The following GABRA5 variants were observed in gnomAD, a reference collection of about 807,000 sequenced individuals.
GABRA5 encodes the protein gamma-aminobutyric acid type A receptor subunit alpha5.
In GABRA5, 18 loss-of-function variants were observed where a neutral mutation model predicts 47.3. The ratio of observed to expected loss-of-function variants is 0.38; its 90% CI spans 0.26 to 0.56. The LOEUF is 0.56. Ranked by LOEUF, GABRA5 falls within the 20% of genes least tolerant of loss-of-function variation. The pLI is 0.71. For missense variants in GABRA5, 365 were observed against 599.3 expected, an observed-to-expected ratio of 0.61 and a Z score of 4.08; for synonymous variants, 237 against 229.3, an observed-to-expected ratio of 1.03 and a Z score of -0.30.
chr15:26,946,677 G>A (rs1440522281), intron 10 of GABRA5, among the ~76,000 whole-genome samples: 1 of 151,894 alleles, frequency 6.6e-6, no homozygotes, highest in African/African-American at 2.4e-5. Context: ...CCAGCCTCCA[G>A]AAAGCTCACC....
At chr15:26,876,945 T>C (rs1892611592) in intron 3 of GABRA5, among the ~76,000 whole-genome samples, 1 of 151,802 alleles carries the variant, frequency 6.6e-6, no homozygotes, top group Admixed American at 6.6e-5. Flanking sequence ...GTGGGAGAGG[T>C]GGCTCTGGCC....
At chr15:26,888,765 A>T (rs1192192574) in intron 6 of GABRA5, among the ~76,000 whole-genome samples, 1 of 152,212 alleles carries the variant, frequency 6.6e-6, no homozygotes, top group Non-Finnish European at 1.5e-5. Flanking sequence ...CCATCTTCCC[A>T]CACCTTCTAA....
chr15:26,905,357 C>T lies in GABRA5; in HGVS notation c.498-9446C>T, dbSNP rs1366261362. Among the ~76,000 whole-genome samples, 4 of 151,880 alleles carry T rather than the reference C, an allele frequency of 2.6e-5. No individual in the cohort carries two copies. The East Asian group carries it at 7.8e-4, about 29-fold the overall frequency. ...TTCCATGGTTTCTGATAGAAATCAC[C>T]TGTTTATGTTACTTAGGATCCCTTG... On this transcript the variant is annotated intron_variant, in intron 6 of 10. Coordinates refer to ENST00000335625, the MANE Select transcript of GABRA5 (RefSeq NM_000810.4).
chr15:26,920,634 G>A (rs998796819), intron 7 of GABRA5, among the ~76,000 whole-genome samples: 10 of 151,972 alleles, frequency 6.6e-5, no homozygotes. Context: ...ATATATCCCT[G>A]TTCCTCATTT....
chr15:26,907,991 A>G (rs1012577199), intron 6 of GABRA5, among the ~76,000 whole-genome samples: 45 of 152,254 alleles, frequency 3.0e-4, no homozygotes, highest in African/African-American at 8.9e-4. Flanking sequence ...ACAGGGGAGA[A>G]AAGTCTAGCC....
intron 7 of GABRA5, among the ~76,000 whole-genome samples, chr15:26,933,929 G>T (rs1180096157): frequency 6.6e-6 from 1 of 152,160 alleles, no homozygotes; most frequent in Non-Finnish European, 1.5e-5. Context: ...TCAGGAGACT[G>T]CAGATGGTGT....
chr15:26,931,759 G>T (rs138344705), intron 7 of GABRA5, among the ~76,000 whole-genome samples: 1 of 152,266 alleles, frequency 6.6e-6, no homozygotes, highest in African/African-American at 2.4e-5. Flanking sequence ...AATGGAAAGA[G>T]GTATAACGGA....
chr15:26,911,696 C>T (rs1425034111), intron 6 of GABRA5, among the ~76,000 whole-genome samples: 2 of 152,104 alleles, frequency 1.3e-5, no homozygotes, highest in African/African-American at 2.4e-5. Flanking sequence ...GCAACAGAAA[C>T]GTCACGTCTG....
At chr15:26,885,469 G>T (rs561309768) in intron 6 of GABRA5, among the ~76,000 whole-genome samples, 1 of 152,120 alleles carries the variant, frequency 6.6e-6, no homozygotes, top group Non-Finnish European at 1.5e-5. Flanking sequence ...TTGTTACCTT[G>T]TCTCACAGTT....
chr15:26,892,488 G>GGGAA (rs1893033060), intron 6 of GABRA5, among the ~76,000 whole-genome samples: 1 of 152,132 alleles, frequency 6.6e-6, no homozygotes, highest in Non-Finnish European at 1.5e-5. Context: ...CGCGGACACA[G>GGGAA]GGAAGCTTTA....
chr15:26,936,034 C>G (rs1288785107), intron 7 of GABRA5, among the ~76,000 whole-genome samples: 2 of 152,100 alleles, frequency 1.3e-5, no homozygotes, highest in Non-Finnish European at 2.9e-5. Flanking sequence ...GGGCAATTCC[C>G]CCATGCTGTT....
At chr15:26,888,402 G>A (rs1458978521) in intron 6 of GABRA5, among the ~76,000 whole-genome samples, 8 of 152,308 alleles carry the variant, frequency 5.3e-5, no homozygotes, top group Middle Eastern at 6.8e-3. Flanking sequence ...CACTAGGCAG[G>A]GCAGTCAGGT....
chr15:26,883,486 C>T lies in GABRA5; in HGVS notation c.426C>T (p.Ile142=), dbSNP rs200583728. ...DTFFHNGKKS[I]AHNMTTPNKL... is the part of the protein sequence containing the mutation. Reference sequence around the variant, plus strand: ...TCTTCCACAACGGGAAGAAGTCCATCGCTCACAACATGACCACGCCCAACA... The same window carrying T: ...TCTTCCACAACGGGAAGAAGTCCATTGCTCACAACATGACCACGCCCAACA... The change falls in exon 6 of 11, where the codon ATC becomes ATT. Residue 142 remains isoleucine, a synonymous_variant. Coordinates refer to ENST00000335625, the MANE Select transcript of GABRA5 (RefSeq NM_000810.4). The surrounding 1 kb of genome is among the most constrained non-coding windows in gnomAD (Gnocchi z 4.8). 3 of 1,614,026 alleles carry T rather than the reference C, an allele frequency of 1.9e-6. No individual in the cohort carries two copies. Among genetic ancestry groups the T allele is most frequent in the East Asian group, 2.2e-5 (1 of 44,880 alleles).
intron 6 of GABRA5, among the ~76,000 whole-genome samples, chr15:26,910,446 A>G (rs1893552466): frequency 1.3e-5 from 2 of 152,072 alleles, no homozygotes; most frequent in African/African-American, 4.8e-5. Context: ...CTAAAAATAC[A>G]AAAATTAGGT....
chr15:26,946,000 G>C (rs1894500582), intron 10 of GABRA5, among the ~76,000 whole-genome samples: 1 of 152,144 alleles, frequency 6.6e-6, no homozygotes, highest in African/African-American at 2.4e-5. Flanking sequence ...GGTGGGGAAG[G>C]CGGGGACGGC....
At chr15:26,896,454 A>G (rs1351130786) in intron 6 of GABRA5, among the ~76,000 whole-genome samples, 1 of 152,218 alleles carries the variant, frequency 6.6e-6, no homozygotes, top group Non-Finnish European at 1.5e-5. Flanking sequence ...TTAATTGGAT[A>G]TTACTATGGG....
chr15:26,880,654 A>T lies in GABRA5; in HGVS notation c.87-192A>T, dbSNP rs182766456. 3.0e-3 allele frequency: 1,476 copies of T among 494,946 alleles called. 23 individuals are homozygous for T. The highest frequency in any genetic ancestry group is 0.027 in the African/African-American group (1,363 of 51,152). The allele number at this position is 494,946 out of a possible 1,614,324, so 30.7% of individuals were successfully genotyped here. Reference sequence around the variant, plus strand: ...GGTGGTTGGATAACTAGCCCCAAGCAGAGTATCCTTGGATGTTGGAGAACT... The same window carrying T: ...GGTGGTTGGATAACTAGCCCCAAGCTGAGTATCCTTGGATGTTGGAGAACT... On this transcript the variant is annotated intron_variant, in intron 3 of 10. Coordinates refer to ENST00000335625, the MANE Select transcript of GABRA5 (RefSeq NM_000810.4).
At chr15:26,921,286 A>G (rs1595424000) in intron 7 of GABRA5, among the ~76,000 whole-genome samples, 3 of 152,058 alleles carry the variant, frequency 2.0e-5, no homozygotes, top group Admixed American at 6.6e-5. Flanking sequence ...TATGATTTAA[A>G]TTTTCTTAGT....
intron 6 of GABRA5, among the ~76,000 whole-genome samples, chr15:26,897,607 G>A (rs1322538072): frequency 3.3e-5 from 5 of 152,166 alleles, no homozygotes; most frequent in Non-Finnish European, 7.3e-5. Context: ...TCACACTCAA[G>A]GTGTCAATCC....
Sources: gnomAD v4.1 joint callset for allele counts (sites outside exome capture counted in the v4.1 genomes callset) on GRCh38, gnomAD v4.1.1 for gene constraint, Gnocchi (gnomAD v3.1) non-coding constraint, MANE v1.5 for transcripts, NCBI Gene and HGNC (gene_info 2026-07-23, HGNC 2026-07-21) for gene names.